The following KCNIP4 variants were observed in gnomAD, a reference collection of about 807,000 sequenced individuals.
The protein encoded by KCNIP4 is potassium voltage-gated channel interacting protein 4.
KCNIP4 carries 12 observed loss-of-function variants against 34.0 expected under a neutral mutation model. The observed-to-expected ratio is 0.35, with a 90% confidence interval of 0.23 to 0.57. KCNIP4 has a LOEUF of 0.57. Among genes scored for constraint, KCNIP4 ranks in the 20% least tolerant of loss-of-function variants. The pLI is 0.83. For synonymous variants in KCNIP4, 124 were observed against 102.2 expected (o/e 1.21, Z -1.29); for missense variants, 238 against 311.7 (o/e 0.76, Z 1.78).
intron 1 of KCNIP4, among the ~76,000 whole-genome samples, chr4:21,210,706 C>A (rs1236810054): frequency 6.6e-6 from 1 of 152,046 alleles, no homozygotes; most frequent in Non-Finnish European, 1.5e-5. Context: ...ACTGAAAGAG[C>A]TATATGTTTT....
At chr4:21,382,945 C>CTCATATGTTGA (rs1721653803) in intron 1 of KCNIP4, among the ~76,000 whole-genome samples, 1 of 152,108 alleles carries the variant, frequency 6.6e-6, no homozygotes, top group Non-Finnish European at 1.5e-5. Context: ...TCCTAACTGC[C>CTCATATGTTGA]AGTACCTCAG....
intron 1 of KCNIP4, among the ~76,000 whole-genome samples, chr4:21,023,086 G>T (rs968111091): frequency 1.3e-5 from 2 of 152,152 alleles, no homozygotes; most frequent in African/African-American, 4.8e-5. Flanking sequence ...GCCTCCCAAA[G>T]TGCTGGGATA....
At chr4:21,242,410 G>A (rs1759898905) in intron 1 of KCNIP4, among the ~76,000 whole-genome samples, 2 of 152,064 alleles carry the variant, frequency 1.3e-5, no homozygotes, top group Admixed American at 1.3e-4. Context: ...GGTAAGATAA[G>A]GATAATAATA....
chr4:21,347,013 A>G (rs1424405056), intron 1 of KCNIP4, among the ~76,000 whole-genome samples: 3 of 152,200 alleles, frequency 2.0e-5, no homozygotes, highest in Non-Finnish European at 4.4e-5. Flanking sequence ...ATAATGGTTA[A>G]GAATATAGGT....
At chr4:20,741,844 G>C (rs529893919) in intron 5 of KCNIP4, among the ~76,000 whole-genome samples, 287 of 152,218 alleles carry the variant, frequency 1.9e-3, no homozygotes, top group Admixed American at 3.0e-3. Flanking sequence ...AAGAAGAAAA[G>C]AGAGAAGAAT....
intron 1 of KCNIP4, among the ~76,000 whole-genome samples, chr4:20,965,638 C>A (rs1734266230): frequency 6.6e-6 from 1 of 152,100 alleles, no homozygotes; most frequent in African/African-American, 2.4e-5. Context: ...TGTATCTACT[C>A]ATTTTAGACA....
intron 1 of KCNIP4, among the ~76,000 whole-genome samples, chr4:21,672,987 G>A (rs1397589753): frequency 6.6e-6 from 1 of 152,192 alleles, no homozygotes; most frequent in East Asian, 1.9e-4. Context: ...CTTATCCAGA[G>A]TTAATGATCC....
chr4:21,754,496 A>G (rs1717375408), intron 1 of KCNIP4, among the ~76,000 whole-genome samples: 1 of 152,222 alleles, frequency 6.6e-6, no homozygotes, highest in Admixed American at 6.5e-5. Context: ...AATAGGTATG[A>G]CCATTATTCC....
At chr4:21,790,981 A>AAAT (rs1322565749) in intron 1 of KCNIP4, among the ~76,000 whole-genome samples, 1 of 125,148 alleles carries the variant, frequency 8.0e-6, no homozygotes, top group Admixed American at 7.1e-5. Flanking sequence ...AAAAAAAAAA[A>AAAT]AAAAAAAAAA....
chr4:20,773,851 C>A (rs1217622414), intron 3 of KCNIP4, among the ~76,000 whole-genome samples: 3 of 152,168 alleles, frequency 2.0e-5, no homozygotes, highest in East Asian at 3.9e-4. Context: ...AATTCACAAT[C>A]ACTTTTTTGG....
chr4:21,512,176 G>C (rs914627730), intron 1 of KCNIP4, among the ~76,000 whole-genome samples: 60 of 146,792 alleles, frequency 4.1e-4, no homozygotes, highest in African/African-American at 1.5e-3. Flanking sequence ...GAGGGAGGAA[G>C]GAAGGAACGA....
At chr4:20,898,750 T>C (rs901169714) in intron 1 of KCNIP4, among the ~76,000 whole-genome samples, 1 of 152,236 alleles carries the variant, frequency 6.6e-6, no homozygotes, top group African/African-American at 2.4e-5. Context: ...GATCTATCTA[T>C]ATTTATGTCT....
chr4:21,298,613 A>G (rs1763979281), intron 1 of KCNIP4, among the ~76,000 whole-genome samples: 1 of 152,114 alleles, frequency 6.6e-6, no homozygotes, highest in Non-Finnish European at 1.5e-5. Flanking sequence ...TTGAGAATAA[A>G]CATTTCTGTC....
chr4:21,493,335 G>A (rs1017372191), intron 1 of KCNIP4, among the ~76,000 whole-genome samples: 2 of 151,966 alleles, frequency 1.3e-5, no homozygotes, highest in African/African-American at 4.8e-5. Flanking sequence ...TAAGACATCC[G>A]CTAGACCAAT....
At chr4:21,250,342 A>G (rs1760613367) in intron 1 of KCNIP4, among the ~76,000 whole-genome samples, 1 of 152,154 alleles carries the variant, frequency 6.6e-6, no homozygotes, top group African/African-American at 2.4e-5. Context: ...CCTTACAGTT[A>G]CATAGCACAA....
At chr4:21,386,715 G>A (rs1722066425) in intron 1 of KCNIP4, among the ~76,000 whole-genome samples, 1 of 152,090 alleles carries the variant, frequency 6.6e-6, no homozygotes, top group African/African-American at 2.4e-5. Context: ...AGGTGAGGGA[G>A]GGGACACGAC....
chr4:21,124,247 A>C (rs961986885), intron 1 of KCNIP4, among the ~76,000 whole-genome samples: 1 of 152,200 alleles, frequency 6.6e-6, no homozygotes, highest in Non-Finnish European at 1.5e-5. Flanking sequence ...AGAATGAGAA[A>C]GAAAAAGGCA....
At chr4:21,028,400 GCA>G (rs1740730582) in intron 1 of KCNIP4, among the ~76,000 whole-genome samples, 1 of 152,150 alleles carries the variant, frequency 6.6e-6, no homozygotes, top group African/African-American at 2.4e-5. Flanking sequence ...ACTTAAAACT[GCA>G]CACATGACCT....
intron 1 of KCNIP4, among the ~76,000 whole-genome samples, chr4:21,732,666 C>T (rs745839602): frequency 8.1e-6 from 1 of 123,596 alleles, no homozygotes; most frequent in Non-Finnish European, 1.6e-5. Flanking sequence ...CCCATTCCAG[C>T]ACTGATCTGG....
Sources: allele counts gnomAD v4.1 joint callset (sites outside exome capture counted in the v4.1 genomes callset), GRCh38; gene constraint gnomAD v4.1.1; transcripts MANE v1.5; gene names NCBI Gene and HGNC (gene_info 2026-07-23, HGNC 2026-07-21).